Variants in CRB1 observed in about 807,000 individuals in gnomAD.
CRB1 encodes crumbs cell polarity complex component 1.
Under a neutral mutation model 120.0 loss-of-function variants are expected in CRB1, and 83 were observed. That is an observed-to-expected ratio of 0.69 (90% CI 0.58 to 0.83). The LOEUF (loss-of-function observed/expected upper bound fraction) is 0.83, where lower values mean the gene tolerates loss of function less well. Among genes scored for constraint, CRB1 ranks in the 40% least tolerant of loss-of-function variants. The pLI, the probability that CRB1 is intolerant of heterozygous loss-of-function variation, is 0.00. For synonymous variants in CRB1, 625 were observed against 612.5 expected (o/e 1.02, Z -0.30); for missense variants, 1,699 against 1,687.6 (o/e 1.01, Z -0.12).
chr1:197,216,653 C>G, the CRB1 span, among the ~76,000 whole-genome samples: 1 of 152,092 alleles, frequency 6.6e-6, no homozygotes, highest in South Asian at 2.1e-4. Flanking sequence ...TTTATTTAAA[C>G]TAGGGCACTG....
At chr1:197,365,604 CCTTCTCCTT>C (rs1377931825) in intron 5 of CRB1, among the ~76,000 whole-genome samples, 2 of 141,632 alleles carry the variant, frequency 1.4e-5, no homozygotes, top group African/African-American at 3.0e-5. Flanking sequence ...TCCTCCTTCT[CCTTCTCCTT>C]CTTCTTCTTC....
chr1:197,240,863 C>T, the CRB1 span, among the ~76,000 whole-genome samples: 2 of 151,602 alleles, frequency 1.3e-5, no homozygotes, highest in African/African-American at 4.8e-5. Context: ...TCTCCACATC[C>T]TCTCCAGTGA....
chr1:197,420,147 T>A (rs1189958311), intron 5 of CRB1, among the ~76,000 whole-genome samples: 1 of 152,074 alleles, frequency 6.6e-6, no homozygotes, highest in Non-Finnish European at 1.5e-5. Flanking sequence ...TGAGCACAAA[T>A]ATAATAATTT....
intron 1 of CRB1, among the ~76,000 whole-genome samples, chr1:197,274,661 C>G (rs999977181): frequency 6.6e-6 from 1 of 152,136 alleles, no homozygotes; most frequent in African/African-American, 2.4e-5. Flanking sequence ...TTATAGGATG[C>G]TATAAAATTG....
rs538034956 is a variant in CRB1 at position 197,474,756 on chromosome 1, A to T, written c.4006-2908A>T. 2.4e-4 allele frequency among the ~76,000 whole-genome samples: 37 copies of T among 152,312 alleles called. 2 individuals are homozygous for T. In the South Asian group the frequency reaches 7.0e-3, roughly 29 times the overall value. ...GGGTGTGGGCACTCCCAACTCTCTC[A>T]TCCAGGAGAACCGCCATTTACTCCA... On this transcript the variant is annotated intron_variant, in intron 11 of 11. Transcript: ENST00000367400.
At chr1:197,392,066 T>TAAATCCTA (rs1662534658) in intron 5 of CRB1, among the ~76,000 whole-genome samples, 1 of 151,942 alleles carries the variant, frequency 6.6e-6, no homozygotes, top group African/African-American at 2.4e-5. Flanking sequence ...CAGCATCTCG[T>TAAATCCTA]GGTGTCTAAA....
In CRB1 at chr1:197,421,421, G is replaced by T; in HGVS notation, c.1593G>T (p.Val531=). Residue 531 remains valine, a synonymous_variant, in exon 6 of 12, where the codon GTG becomes GTT. Coordinates refer to ENST00000367400, the MANE Select transcript of CRB1 (RefSeq NM_201253.3). Reference sequence around the variant, plus strand: ...TACTTTTCCGAAGCAACAGGGATGTGTTTGTGAAGCTGGAGCTGCTAAGTG... The same window carrying T: ...TACTTTTCCGAAGCAACAGGGATGTTTTTGTGAAGCTGGAGCTGCTAAGTG... ...ALLLFRSNRD[V]FVKLELLSGY... 7 of 1,614,220 alleles carry T rather than the reference G, an allele frequency of 4.3e-6. No homozygotes were observed. Among genetic ancestry groups the T allele is most frequent in the Non-Finnish European group, 1.7e-6 (2 of 1,180,044 alleles).
Position 197,435,180 on chromosome 1 carries a change from ATCTC to A in CRB1, c.3321_3324del (p.Ser1108ThrfsTer32). On this transcript the variant is annotated frameshift_variant, in exon 9 of 12. Transcript: ENST00000367400. LOFTEE classifies it high-confidence loss of function. Reference sequence around the variant, plus strand: ...AGTACAATAGAAATCGGAGGCATTTATCTCTCTTACTTTGAAAATGTTCATGGTT... The same window carrying A: ...AGTACAATAGAAATCGGAGGCATTTATCTTACTTTGAAAATGTTCATGGTT... 1 of 1,613,944 alleles carries A rather than the reference ATCTC, an allele frequency of 6.2e-7. No individual in the cohort carries two copies. The highest frequency in any genetic ancestry group is 8.5e-7 in the Non-Finnish European group (1 of 1,179,868).
the CRB1 span, among the ~76,000 whole-genome samples, chr1:197,226,035 G>A: frequency 2.0e-5 from 3 of 152,022 alleles, no homozygotes; most frequent in Non-Finnish European, 2.9e-5. Flanking sequence ...TGAGGAGCTG[G>A]GACCACAGGA....
intron 7 of CRB1, chr1:197,428,993 G>A (rs1036152430): frequency 1.4e-5 from 22 of 1,530,522 alleles, no homozygotes; most frequent in Non-Finnish European, 1.8e-5. Flanking sequence ...AATGTGGGAA[G>A]GGCACTCACT....
intron 11 of CRB1, among the ~76,000 whole-genome samples, chr1:197,476,641 G>A (rs1032531133): frequency 7.9e-5 from 12 of 152,068 alleles, no homozygotes; most frequent in African/African-American, 2.9e-4. Flanking sequence ...CCAAGACACA[G>A]GGGACAATAA....
rs1571541303 is a variant in CRB1 at position 197,428,131 on chromosome 1, T to C, written c.2676+130T>C. On this transcript the variant is annotated intron_variant, in intron 7 of 11. Transcript: ENST00000367400. The stretch of plus-strand genomic sequence containing the variant: ...CTGACCCACCAGTATAGAATAATAT[T>C]TCATCTATATTGTTCCAACAAGACT... The C allele has an allele frequency of 1.5e-5, 12 of 807,482 alleles. No individual in the cohort carries two copies. In the East Asian group the frequency reaches 2.9e-4, roughly 20 times the overall value. 50.0% of individuals were successfully genotyped at this position (807,482 alleles called of 1,614,324 possible).
the CRB1 span, among the ~76,000 whole-genome samples, chr1:197,255,024 G>C: frequency 6.6e-6 from 1 of 152,076 alleles, no homozygotes; most frequent in African/African-American, 2.4e-5. Flanking sequence ...ACTCAAGCCT[G>C]TCATGGATTC....
At chr1:197,442,020 G>A (rs1488095106) in intron 10 of CRB1, 146 bp from the exon 11 acceptor site, 12 of 919,080 alleles carry the variant, frequency 1.3e-5, no homozygotes, top group South Asian at 4.3e-5. Context: ...AAACATCTCC[G>A]ACATTATCAA....
At chr1:197,375,824 G>A (rs1661617318) in intron 5 of CRB1, among the ~76,000 whole-genome samples, 2 of 152,052 alleles carry the variant, frequency 1.3e-5, no homozygotes, top group South Asian at 4.1e-4. Flanking sequence ...ATGCTCCTTA[G>A]AATGCATACA....
At chr1:197,270,494 T>C (rs1284860425) in intron 1 of CRB1, among the ~76,000 whole-genome samples, 2 of 152,306 alleles carry the variant, frequency 1.3e-5, no homozygotes, top group South Asian at 2.1e-4. Flanking sequence ...CTCTGAGCTA[T>C]ACAATAAATC....
At chr1:197,293,448 G>T (rs1422363095) in intron 1 of CRB1, among the ~76,000 whole-genome samples, 1 of 152,094 alleles carries the variant, frequency 6.6e-6, no homozygotes, top group Non-Finnish European at 1.5e-5. Flanking sequence ...CCATGCTCAT[G>T]GATAGGAAGA....
In CRB1 at chr1:197,365,349, T is replaced by A. The variant is rs778975926; in HGVS notation, c.1171+8336T>A. 2.2e-4 allele frequency among the ~76,000 whole-genome samples: 34 copies of A among 152,118 alleles called. 1 individual carries two copies. The highest frequency in any genetic ancestry group is 1.0e-4 in the Non-Finnish European group (7 of 68,012). On this transcript the variant is annotated intron_variant, in intron 5 of 11. Transcript: ENST00000367400. ...AGGCTGAATACCTGTTGTGGCATAA[T>A]CCCCTTTACTGATCCCCCACTCACA...
the CRB1 span, among the ~76,000 whole-genome samples, chr1:197,254,310 A>G: frequency 6.6e-3 from 1,011 of 152,138 alleles, 7 homozygotes; most frequent in African/African-American, 0.023. Flanking sequence ...AGTGATACAC[A>G]GAATCTATGC....
Sources: gnomAD v4.1 joint callset for allele counts (sites outside exome capture counted in the v4.1 genomes callset) on GRCh38, gnomAD v4.1.1 for gene constraint, MANE v1.5 for transcripts, NCBI Gene and HGNC (gene_info 2026-07-23, HGNC 2026-07-21) for gene names.